Variants in PPM1H observed in about 807,000 individuals in gnomAD.
The protein encoded by PPM1H is protein phosphatase 1H.
A neutral mutation model predicts 54.9 loss-of-function variants in PPM1H; 27 were observed. The observed-to-expected ratio is 0.49, with a 90% CI of 0.36 to 0.68. The LOEUF (loss-of-function observed/expected upper bound fraction) is 0.68. Among genes scored for constraint, PPM1H ranks in the 30% least tolerant of loss-of-function variants. The pLI is 0.00. For synonymous variants in PPM1H, 305 were observed against 270.8 expected (o/e 1.13, Z -1.24); for missense variants, 596 against 667.8 (o/e 0.89, Z 1.19).
intron 2 of PPM1H, among the ~76,000 whole-genome samples, chr12:62,802,995 A>AT (rs60228591): frequency 0.21 from 31,833 of 151,908 alleles, 3,665 homozygotes; most frequent in African/African-American, 0.31. Flanking sequence ...AAGTAGACCC[A>AT]TTTTCCCCTT....
chr12:62,839,662 C>CAAAA (rs34178089), intron 1 of PPM1H, among the ~76,000 whole-genome samples: 1 of 131,234 alleles, frequency 7.6e-6, no homozygotes. Context: ...TGAGTAAATC[C>CAAAA]AAAAAAAAAA....
rs2076722508 is a variant in PPM1H at position 62,794,790 on chromosome 12, AAGACAC to A, written c.757-6458_757-6453del. 2.0e-5 allele frequency among the ~76,000 whole-genome samples: 3 copies of A among 152,270 alleles called. 1 individual carries two copies. The South Asian group carries it at 6.2e-4, about 32-fold the overall frequency. ...GAGGAGGTTTGAAATCAGGACTTAG[AAGACAC>A]TTGTCTTATTTATACCTATTGTCCT... On this transcript the variant is annotated intron_variant, in intron 3 of 9. Coordinates refer to ENST00000228705, the MANE Select transcript of PPM1H (RefSeq NM_020700.2).
chr12:62,785,337 C>T (rs539010201), intron 4 of PPM1H, among the ~76,000 whole-genome samples: 58 of 152,264 alleles, frequency 3.8e-4, no homozygotes, highest in African/African-American at 1.3e-3. Flanking sequence ...CCGCCACACC[C>T]GCTCATTTTT....
intron 1 of PPM1H, among the ~76,000 whole-genome samples, chr12:62,924,926 G>A (rs1025272656): frequency 9.2e-5 from 14 of 151,774 alleles, no homozygotes; most frequent in South Asian, 2.1e-4. Flanking sequence ...GCCTGTGGTC[G>A]CAGCTACTAG....
chr12:62,832,113 C>A lies in PPM1H; in HGVS notation c.411+1G>T. On this transcript the variant is annotated splice_donor_variant, in intron 2 of 9. Transcript: ENST00000228705. LOFTEE classifies it high-confidence loss of function. ...GAACCAAGGATCGAGAAGGGTCTTA[C>A]CGAGTTCTCCTTCAGCTGCAGCCCT... is the stretch of plus-strand genomic sequence containing the variant. 1 of 1,613,614 alleles carries A rather than the reference C, an allele frequency of 6.2e-7. No homozygotes were observed. Among genetic ancestry groups the A allele is most frequent in the Non-Finnish European group, 8.5e-7 (1 of 1,179,668 alleles).
chr12:62,720,491 T>A (rs143652988), intron 5 of PPM1H, among the ~76,000 whole-genome samples: 16 of 152,318 alleles, frequency 1.1e-4, no homozygotes, highest in African/African-American at 3.6e-4. Flanking sequence ...GGAATGTAAC[T>A]TTTTCATTTG....
At chr12:62,689,479 G>A (rs1359277079) in intron 8 of PPM1H, among the ~76,000 whole-genome samples, 1 of 152,174 alleles carries the variant, frequency 6.6e-6, no homozygotes, top group Non-Finnish European at 1.5e-5. Context: ...GAAAATGTCA[G>A]GAGGAGGCTG....
chr12:62,801,389 C>T (rs1248032978), intron 3 of PPM1H, among the ~76,000 whole-genome samples: 1 of 151,976 alleles, frequency 6.6e-6, no homozygotes, highest in Non-Finnish European at 1.5e-5. Flanking sequence ...GCAATCTTGG[C>T]TCACTGCAAT....
At chr12:62,826,407 C>T (rs1381647778) in intron 2 of PPM1H, among the ~76,000 whole-genome samples, 1 of 152,180 alleles carries the variant, frequency 6.6e-6, no homozygotes, top group East Asian at 1.9e-4. Flanking sequence ...TGAGATTATG[C>T]CACTGCACTC....
chr12:62,726,788 G>T (rs907151310), intron 5 of PPM1H, among the ~76,000 whole-genome samples: 1 of 152,208 alleles, frequency 6.6e-6, no homozygotes, highest in Non-Finnish European at 1.5e-5. Flanking sequence ...GCCTCTGGAA[G>T]CATTGCTCAA....
At chr12:62,755,193 C>T in intron 4 of PPM1H, 1 of 611,412 alleles carries the variant, frequency 1.6e-6, no homozygotes. Flanking sequence ...CGCCTCTTCT[C>T]TCTCATTGAC....
intron 6 of PPM1H, among the ~76,000 whole-genome samples, chr12:62,713,843 C>T (rs981168325): frequency 6.6e-6 from 1 of 152,044 alleles, no homozygotes; most frequent in Non-Finnish European, 1.5e-5. Flanking sequence ...GTGTCACACA[C>T]CTGTAGTACC....
At chr12:62,884,944 G>T (rs919732459) in intron 1 of PPM1H, among the ~76,000 whole-genome samples, 1 of 152,160 alleles carries the variant, frequency 6.6e-6, no homozygotes, top group African/African-American at 2.4e-5. Flanking sequence ...TCATGCTGCT[G>T]ATAAAGACAC....
intron 1 of PPM1H, among the ~76,000 whole-genome samples, chr12:62,926,395 C>A (rs906668485): frequency 3.3e-5 from 5 of 152,026 alleles, no homozygotes; most frequent in Admixed American, 6.6e-5. Context: ...CAGTAAGTAG[C>A]TAAAAGGAGT....
At chr12:62,837,185 C>T (rs192781410) in intron 1 of PPM1H, among the ~76,000 whole-genome samples, 6 of 152,318 alleles carry the variant, frequency 3.9e-5, no homozygotes. Flanking sequence ...AAAAGTCTTG[C>T]TTTTACATGC....
chr12:62,856,735 C>T (rs1392339767), intron 1 of PPM1H, among the ~76,000 whole-genome samples: 4 of 151,874 alleles, frequency 2.6e-5, no homozygotes, highest in South Asian at 2.1e-4. Context: ...TCTTTGTCAA[C>T]GTTTTAAAAA....
In PPM1H at chr12:62,647,267, A is replaced by G. The variant is rs1179495627; in HGVS notation, c.*1222T>C. 6.6e-6 allele frequency: 1 copy of G among 152,280 alleles called. No homozygotes were observed. The highest frequency in any genetic ancestry group is 6.5e-5 in the Admixed American group (1 of 15,294). The allele number at this position is 152,280 out of a possible 1,614,324, so 9.4% of individuals were successfully genotyped here. On this transcript the variant is annotated 3_prime_UTR_variant, in exon 10 of 10. Transcript: ENST00000228705. ...TTAGAGAAGAGAAGAGACAGGGAGC[A>G]CAGCATGAGAATGGCCAGTCAACCC...
At chr12:62,688,076 C>G (rs1257995123) in intron 8 of PPM1H, among the ~76,000 whole-genome samples, 5 of 151,734 alleles carry the variant, frequency 3.3e-5, no homozygotes, top group Admixed American at 2.6e-4. Context: ...TGGTTCCTGA[C>G]TTATGCCTTC....
At chr12:62,683,034 TTATTA>T (rs2076029885) in intron 8 of PPM1H, among the ~76,000 whole-genome samples, 2 of 8,842 alleles carry the variant, frequency 2.3e-4, no homozygotes, top group Admixed American at 1.1e-3. Context: ...AGTTTATTAT[TTATTA>T]TTATTATTAT....
Sources: allele counts gnomAD v4.1 joint callset (sites outside exome capture counted in the v4.1 genomes callset), GRCh38; gene constraint gnomAD v4.1.1; transcripts MANE v1.5; gene names NCBI Gene and HGNC (gene_info 2026-07-23, HGNC 2026-07-21).